The following MAP3K15 variants were observed in gnomAD, a reference collection of about 807,000 sequenced individuals.
MAP3K15 encodes MAPK/ERK kinase kinase 15.
Under a neutral mutation model 99.5 loss-of-function variants are expected in MAP3K15, and 124 were observed. The observed-to-expected ratio is 1.25, with a 90% CI of 1.08 to 1.45. The LOEUF is 1.45. MAP3K15 is among the 40% of genes most tolerant of loss of function. MAP3K15 has a pLI of 0.00. For synonymous variants in MAP3K15, 494 were observed against 439.6 expected (o/e 1.12, Z -1.55); for missense variants, 1,242 against 1,079.7 (o/e 1.15, Z -2.11).
At chrX:19,383,883 G>T (rs2063476351) in intron 18 of MAP3K15, among the ~76,000 whole-genome samples, 1 of 111,801 alleles carries the variant, frequency 8.9e-6, no homozygotes, top group African/African-American at 3.3e-5. Context: ...ATACACTGTT[G>T]GTGGGAGTGT....
chrX:19,429,760 AAGAGAGAGAGAGAGAG>A (rs369383239), intron 7 of MAP3K15, among the ~76,000 whole-genome samples: 484 of 33,159 alleles, frequency 0.015, 5 homozygotes, highest in Middle Eastern at 0.025. Flanking sequence ...GTATGAAAGG[AAGAGAGAGAGAGAGAG>A]AGAGAGAGAG....
chrX:19,391,026 T>C (rs1569207873), intron 18 of MAP3K15, among the ~76,000 whole-genome samples: 1 of 111,998 alleles, frequency 8.9e-6, no homozygotes, highest in Non-Finnish European at 1.9e-5. Flanking sequence ...TTATTGATCT[T>C]ACAACTGTGA....
Position 19,438,003 on chromosome X carries a change from T to C in MAP3K15, c.996-6395A>G, listed in dbSNP as rs186973969. On this transcript the variant is annotated intron_variant, in intron 6 of 28. Transcript: ENST00000338883. Reference sequence around the variant, plus strand: ...ACACCAAACTGACAAGACAGGTTACTTCCGGAATATGGACGGGACAAGAGA... The same window carrying C: ...ACACCAAACTGACAAGACAGGTTACCTCCGGAATATGGACGGGACAAGAGA... Among the ~76,000 whole-genome samples the C allele has an allele frequency of 1.9e-3, 211 of 112,645 alleles. 1 individual carries two copies. Among genetic ancestry groups the C allele is most frequent in the Non-Finnish European group, 3.1e-3 (167 of 53,344 alleles).
At chrX:19,395,326 T>C (rs777784954) in intron 15 of MAP3K15, 118 bp from the exon 16 acceptor site, 1 of 707,413 alleles carries the variant, frequency 1.4e-6, no homozygotes, top group East Asian at 3.6e-5. Flanking sequence ...AAACTTTCTT[T>C]TCTCTGGCTT....
intron 21 of MAP3K15, 21 bp from the exon 22 acceptor site, chrX:19,372,848 C>T: frequency 8.4e-7 from 1 of 1,196,607 alleles, no homozygotes; most frequent in Non-Finnish European, 1.1e-6. Context: ...ACACGTGTGA[C>T]AATCTCTGTG....
chrX:19,394,005 C>T (rs1260174948), intron 16 of MAP3K15, among the ~76,000 whole-genome samples: 1 of 109,136 alleles, frequency 9.2e-6, no homozygotes. Context: ...AATTCCTGGC[C>T]TCAAGTGATC....
intron 19 of MAP3K15, among the ~76,000 whole-genome samples, 187 bp from the exon 20 acceptor site, chrX:19,374,847 T>A (rs186420254): frequency 1.8e-3 from 206 of 111,574 alleles, no homozygotes; most frequent in African/African-American, 6.4e-3. Flanking sequence ...ACTGGCATCT[T>A]GTGACTTGAC....
intron 6 of MAP3K15, among the ~76,000 whole-genome samples, chrX:19,452,658 G>A (rs2064064254): frequency 1.8e-5 from 2 of 111,637 alleles, no homozygotes; most frequent in South Asian, 7.5e-4. Context: ...CCTTGAAAAG[G>A]AAGTTCTGAC....
At chrX:19,446,839 C>T in intron 6 of MAP3K15, among the ~76,000 whole-genome samples, 1 of 111,594 alleles carries the variant, frequency 9.0e-6, no homozygotes, top group Middle Eastern at 4.6e-3. Context: ...ACCCAGCCTA[C>T]AGCCTTCCCT....
At chrX:19,487,506 T>C (rs1175319245) in intron 2 of MAP3K15, among the ~76,000 whole-genome samples, 1 of 111,985 alleles carries the variant, frequency 8.9e-6, no homozygotes, top group Non-Finnish European at 1.9e-5. Context: ...AAAAGGTCAA[T>C]ATCTAACTAT....
At chrX:19,443,911 A>G (rs2063977396) in intron 6 of MAP3K15, among the ~76,000 whole-genome samples, 1 of 111,383 alleles carries the variant, frequency 9.0e-6, no homozygotes, top group Non-Finnish European at 1.9e-5. Context: ...TCCAGATTCT[A>G]GCTCCTCCCA....
At chrX:19,361,780 GCCT>G (rs901050422) in intron 26 of MAP3K15, 187 bp from the exon 27 acceptor site, 4 of 361,137 alleles carry the variant, frequency 1.1e-5, no homozygotes, top group African/African-American at 5.2e-5. Flanking sequence ...TTTCTAGAAA[GCCT>G]CCTCATCTAG....
intron 3 of MAP3K15, among the ~76,000 whole-genome samples, chrX:19,470,867 C>T (rs935762872): frequency 6.3e-5 from 7 of 111,282 alleles, no homozygotes; most frequent in South Asian, 3.7e-4. Flanking sequence ...ATTACAAATA[C>T]GTTCAAAGAA....
Position 19,400,661 on chromosome X carries a change from A to T in MAP3K15, c.1847T>A (p.Phe616Tyr). Residue 616 changes from phenylalanine to tyrosine, a missense_variant and splice_region_variant, in exon 14 of 29, where the codon TTT becomes TAT. Phe to Tyr is a conservative substitution (Grantham distance 22). Coordinates refer to ENST00000338883, the MANE Select transcript of MAP3K15 (RefSeq NM_001001671.4). ...TATCATCTCTTTGACCAAAGAGAAA[A>T]ATCTAGAACAGCAAGTGTCACAAAT... ...YFSTEEQCSR[F>Y]FSLVKEMITN... is the part of the protein sequence containing the mutation. 3.4e-6 allele frequency: 4 copies of T among 1,185,813 alleles called. No homozygotes were observed. Among genetic ancestry groups the T allele is most frequent in the Non-Finnish European group, 4.6e-6 (4 of 874,884 alleles).
chrX:19,381,777 C>T (rs1054533337), intron 18 of MAP3K15, among the ~76,000 whole-genome samples: 1 of 111,922 alleles, frequency 8.9e-6, no homozygotes. Context: ...CCTTGAAACT[C>T]AGCCTGTGCA....
intron 9 of MAP3K15, among the ~76,000 whole-genome samples, chrX:19,418,405 C>T (rs1475353642): frequency 3.6e-5 from 4 of 111,384 alleles, no homozygotes; most frequent in African/African-American, 9.8e-5. Context: ...GCACAAGCCT[C>T]GGTAGCCGAT....
chrX:19,421,991 A>T (rs1381136202), intron 9 of MAP3K15, among the ~76,000 whole-genome samples: 1 of 110,878 alleles, frequency 9.0e-6, no homozygotes, highest in Non-Finnish European at 1.9e-5. Flanking sequence ...AGAAAGCTGA[A>T]ACTGGATCCC....
intron 2 of MAP3K15, among the ~76,000 whole-genome samples, chrX:19,488,555 G>T (rs1351324628): frequency 1.8e-5 from 2 of 111,387 alleles, no homozygotes; most frequent in Non-Finnish European, 3.8e-5. Flanking sequence ...CAGTGTGTTT[G>T]CTTCAATGGA....
chrX:19,410,280 G>A (rs1276057443), intron 11 of MAP3K15, among the ~76,000 whole-genome samples: 1 of 112,462 alleles, frequency 8.9e-6, no homozygotes. Context: ...CAACATAGTA[G>A]GCAAACTCTA....
Sources: gnomAD v4.1 joint callset for allele counts (sites outside exome capture counted in the v4.1 genomes callset) on GRCh38, gnomAD v4.1.1 for gene constraint, MANE v1.5 for transcripts, NCBI Gene and HGNC (gene_info 2026-07-23, HGNC 2026-07-21) for gene names.